Variants in CNTNAP2 observed in about 807,000 individuals in gnomAD.
CNTNAP2 encodes the protein contactin-associated protein-like 2.
In CNTNAP2, 98 loss-of-function variants were observed where a neutral mutation model predicts 155.2. The ratio of observed to expected loss-of-function variants is 0.63; its 90% CI spans 0.54 to 0.75. CNTNAP2 has a LOEUF of 0.75. CNTNAP2 is among the 30% of genes least tolerant of loss of function. The pLI, the probability that CNTNAP2 is intolerant of heterozygous loss-of-function variation, is 0.00. For synonymous variants in CNTNAP2, 651 were observed against 631.2 expected (o/e 1.03, Z -0.47); for missense variants, 1,727 against 1,688.1 (o/e 1.02, Z -0.40).
At chr7:146,200,977 G>A (rs1381633328) in intron 1 of CNTNAP2, among the ~76,000 whole-genome samples, 3 of 152,150 alleles carry the variant, frequency 2.0e-5, no homozygotes, top group Non-Finnish European at 4.4e-5. Flanking sequence ...TTTGGGTTAA[G>A]ATAATGTTTC....
At chr7:146,351,388 T>G (rs954287823) in intron 1 of CNTNAP2, among the ~76,000 whole-genome samples, 2 of 152,180 alleles carry the variant, frequency 1.3e-5, no homozygotes, top group Non-Finnish European at 2.9e-5. Context: ...AAGAATTTGT[T>G]TGATGGGTTT....
intron 3 of CNTNAP2, among the ~76,000 whole-genome samples, chr7:146,882,174 G>T (rs1394045934): frequency 1.3e-5 from 2 of 152,076 alleles, no homozygotes; most frequent in Non-Finnish European, 2.9e-5. Flanking sequence ...TATTTTAGTG[G>T]TGTATATAAA....
At chr7:146,644,222 T>C (rs1215548972) in intron 1 of CNTNAP2, among the ~76,000 whole-genome samples, 6 of 152,182 alleles carry the variant, frequency 3.9e-5, no homozygotes, top group Non-Finnish European at 5.9e-5. Context: ...AGGGCATCCC[T>C]GTCTTGTGCC....
chr7:147,668,426 A>G (rs944638399), intron 13 of CNTNAP2, among the ~76,000 whole-genome samples: 1 of 152,202 alleles, frequency 6.6e-6, no homozygotes, highest in African/African-American at 2.4e-5. Flanking sequence ...GTCCTTCAGG[A>G]GCCATTCCAG....
chr7:146,371,672 C>T (rs1045084831), intron 1 of CNTNAP2, among the ~76,000 whole-genome samples: 1 of 151,876 alleles, frequency 6.6e-6, no homozygotes, highest in Non-Finnish European at 1.5e-5. Context: ...ATTTTGCCAG[C>T]TGGGCGTGGT....
intron 15 of CNTNAP2, among the ~76,000 whole-genome samples, chr7:148,026,304 A>T (rs577872914): frequency 0.012 from 1,750 of 151,642 alleles, 24 homozygotes; most frequent in African/African-American, 0.039. Flanking sequence ...AATTTTTTTT[A>T]AATTAGTGTG....
Position 147,121,018 on chromosome 7 carries a change from T to A in CNTNAP2, c.794T>A (p.Val265Glu). 2 of 1,613,922 alleles carry A rather than the reference T, an allele frequency of 1.2e-6. No homozygotes were observed. The highest frequency in any genetic ancestry group is 1.7e-6 in the Non-Finnish European group (2 of 1,179,988). Reference protein sequence around the residue: ...QLGPIYGHTSVMTGSLLDDHH... With the variant: ...QLGPIYGHTSEMTGSLLDDHH... ...GGCCCCATATATGGCCACACATCAG[T>A]GATGACAGGAAGTTTGCTGGATGAC... Residue 265 changes from valine (V) to glutamate (E), a missense_variant, in exon 6 of 24, where the codon GTG becomes GAG. Val to Glu is a moderately radical substitution (Grantham distance 121). Transcript: ENST00000361727.
intron 1 of CNTNAP2, among the ~76,000 whole-genome samples, chr7:146,122,589 G>A (rs1329889857): frequency 6.6e-6 from 1 of 152,018 alleles, no homozygotes; most frequent in African/African-American, 2.4e-5. Context: ...AATAAGACTT[G>A]GTTTTTCCAT....
rs144474375 is a variant in CNTNAP2, at chr7:146,636,193, C to T, written c.98-138078C>T. 5.8e-3 allele frequency among the ~76,000 whole-genome samples: 763 copies of T among 132,332 alleles called. 4 individuals carry two copies. The highest frequency in any genetic ancestry group is 0.021 in the African/African-American group (725 of 34,236). The allele number at this position is 132,332 out of a possible 152,430, so 86.8% of individuals were successfully genotyped here. On this transcript the variant is annotated intron_variant, in intron 1 of 23. Coordinates refer to ENST00000361727, the MANE Select transcript of CNTNAP2 (RefSeq NM_014141.6). Reference sequence around the variant, plus strand: ...GTGCCCACAGGAATTCTGGGCAGGGCAGGGGGGCGGGGGGTGATGGGATTG... The same window carrying T: ...GTGCCCACAGGAATTCTGGGCAGGGTAGGGGGGCGGGGGGTGATGGGATTG...
At chr7:146,931,321 T>A (rs1228961694) in intron 3 of CNTNAP2, among the ~76,000 whole-genome samples, 1 of 151,772 alleles carries the variant, frequency 6.6e-6, no homozygotes, top group African/African-American at 2.4e-5. Context: ...CTGAACAACC[T>A]GCTCCTGAAT....
At chr7:148,016,200 C>T (rs373662506) in intron 15 of CNTNAP2, among the ~76,000 whole-genome samples, 5 of 152,296 alleles carry the variant, frequency 3.3e-5, no homozygotes, top group South Asian at 2.1e-4. Flanking sequence ...TGTAGAGGAC[C>T]GGGGTGGACA....
At chr7:146,844,510 G>A (rs1803805651) in intron 3 of CNTNAP2, among the ~76,000 whole-genome samples, 1 of 141,068 alleles carries the variant, frequency 7.1e-6, no homozygotes, top group African/African-American at 3.2e-5. Context: ...TAATCTGTTA[G>A]AGAGAGAGAG....
At chr7:147,213,185 C>T (rs1803195020) in intron 8 of CNTNAP2, among the ~76,000 whole-genome samples, 1 of 152,116 alleles carries the variant, frequency 6.6e-6, no homozygotes, top group Non-Finnish European at 1.5e-5. Flanking sequence ...ACCTAAGAAT[C>T]AGGGAAGGCA....
At chr7:146,604,495 C>A (rs1799008077) in intron 1 of CNTNAP2, among the ~76,000 whole-genome samples, 1 of 78,406 alleles carries the variant, frequency 1.3e-5, no homozygotes, top group South Asian at 6.8e-4. Flanking sequence ...ACTAGTTCAA[C>A]CATTGTGGAA....
intron 10 of CNTNAP2, among the ~76,000 whole-genome samples, chr7:147,409,236 A>G (rs997524165): frequency 2.0e-5 from 3 of 152,208 alleles, no homozygotes; most frequent in African/African-American, 7.2e-5. Flanking sequence ...GAATTGAGAT[A>G]GAAGTGCAGG....
rs531649590 is a variant in CNTNAP2, at chr7:147,544,161, T to C, written c.1778-17977T>C. On this transcript the variant is annotated intron_variant, in intron 11 of 23. Coordinates refer to ENST00000361727, the MANE Select transcript of CNTNAP2 (RefSeq NM_014141.6). ...AGAGATCTGTAAAAATCTGAAACTTTTGTGTGTAAATGTACAACATATAAT... is the reference window on the plus strand; with the variant it reads ...AGAGATCTGTAAAAATCTGAAACTTCTGTGTGTAAATGTACAACATATAAT... Among the ~76,000 whole-genome samples, 44 of 152,308 alleles carry C rather than the reference T, an allele frequency of 2.9e-4. No individual in the cohort carries two copies. The South Asian group carries it at 8.9e-3, about 31-fold the overall frequency.
intron 9 of CNTNAP2, among the ~76,000 whole-genome samples, chr7:147,351,265 G>GA (rs539829868): frequency 1.3e-4 from 20 of 151,460 alleles, no homozygotes; most frequent in African/African-American, 4.1e-4. Context: ...TAATAATGTA[G>GA]AAAAAAAATT....
intron 1 of CNTNAP2, among the ~76,000 whole-genome samples, chr7:146,462,860 T>C: frequency 6.6e-6 from 1 of 152,186 alleles, no homozygotes; most frequent in East Asian, 1.9e-4. Context: ...ATCATCTCTT[T>C]CTGAATAGTC....
chr7:146,236,910 G>C (rs1240839960), intron 1 of CNTNAP2, among the ~76,000 whole-genome samples: 1 of 152,136 alleles, frequency 6.6e-6, no homozygotes, highest in Non-Finnish European at 1.5e-5. Context: ...CAGAGGGTTA[G>C]ATTTTTCATG....
Sources: gnomAD v4.1 joint callset for allele counts (sites outside exome capture counted in the v4.1 genomes callset) on GRCh38, gnomAD v4.1.1 for gene constraint, MANE v1.5 for transcripts, NCBI Gene and HGNC (gene_info 2026-07-23, HGNC 2026-07-21) for gene names.